Variants in GRID2 observed in about 807,000 individuals in gnomAD.
GRID2 encodes glutamate receptor ionotropic, delta-2.
Under a neutral mutation model 114.8 loss-of-function variants are expected in GRID2, and 33 were observed. That is an observed-to-expected ratio of 0.29 (90% confidence interval 0.22 to 0.38). The LOEUF (loss-of-function observed/expected upper bound fraction) is 0.38, where lower values mean the gene tolerates loss of function less well. GRID2 is among the 10% of genes least tolerant of loss of function. GRID2 has a pLI of 1.00. For synonymous variants in GRID2, 505 were observed against 449.9 expected, an observed-to-expected ratio of 1.12 and a Z score of -1.55; for missense variants, 1,184 against 1,257.7, an observed-to-expected ratio of 0.94 and a Z score of 0.89.
At chr4:93,180,033 C>T (rs866151942) in intron 4 of GRID2, among the ~76,000 whole-genome samples, 12 of 151,976 alleles carry the variant, frequency 7.9e-5, no homozygotes, top group African/African-American at 1.9e-4. Context: ...TCTTTTTAAA[C>T]GAAGAAAAAA....
At chr4:93,116,079 C>A (rs1428019037) in intron 4 of GRID2, among the ~76,000 whole-genome samples, 5 of 152,106 alleles carry the variant, frequency 3.3e-5, no homozygotes, top group East Asian at 1.9e-4. Context: ...TGTCCTTCAC[C>A]TACACCTGCA....
Position 92,543,799 on chromosome 4 carries a change from T to C in GRID2, c.89-46332T>C, listed in dbSNP as rs1726100991. On this transcript the variant is annotated intron_variant, in intron 1 of 15. Coordinates refer to ENST00000282020, the MANE Select transcript of GRID2 (RefSeq NM_001510.4). The stretch of plus-strand genomic sequence containing the variant: ...ATGACAGTGTCAAAATTCAAGGCAA[T>C]AACAAAATCAATTCATTGTGGGAAT... Among the ~76,000 whole-genome samples, 12 of 152,268 alleles carry C rather than the reference T, an allele frequency of 7.9e-5. No individual in the cohort carries two copies. In the South Asian group the frequency reaches 2.3e-3, roughly 29 times the overall value.
intron 10 of GRID2, among the ~76,000 whole-genome samples, chr4:93,426,835 A>G (rs547523730): frequency 2.0e-5 from 3 of 152,222 alleles, no homozygotes; most frequent in African/African-American, 4.8e-5. Flanking sequence ...TGATTTTTAG[A>G]CAGAAAAAAT....
intron 14 of GRID2, among the ~76,000 whole-genome samples, chr4:93,748,668 G>T (rs72875943): frequency 6.7e-6 from 1 of 149,486 alleles, no homozygotes; most frequent in Non-Finnish European, 1.5e-5. Flanking sequence ...ATGCCCTATG[G>T]ATCTTTTTTC....
At chr4:93,517,951 G>GTACGTGTATGTATATACTA (rs1560706052) in intron 13 of GRID2, among the ~76,000 whole-genome samples, 3 of 32,720 alleles carry the variant, frequency 9.2e-5, no homozygotes, top group African/African-American at 3.7e-4. Flanking sequence ...ATACATACAT[G>GTACGTGTATGTATATACTA]TATATGTATG....
chr4:93,768,732 G>C (rs1221102348), intron 14 of GRID2, among the ~76,000 whole-genome samples: 1 of 152,126 alleles, frequency 6.6e-6, no homozygotes, highest in South Asian at 2.1e-4. Flanking sequence ...CATATGCTGG[G>C]TGACATTACG....
chr4:92,646,048 A>G (rs1731601310), intron 2 of GRID2, among the ~76,000 whole-genome samples: 1 of 151,744 alleles, frequency 6.6e-6, no homozygotes, highest in East Asian at 1.9e-4. Flanking sequence ...GCACTGTTTT[A>G]GACTCCTACC....
intron 2 of GRID2, among the ~76,000 whole-genome samples, chr4:92,745,656 T>G (rs1202996702): frequency 2.0e-5 from 3 of 152,172 alleles, no homozygotes; most frequent in Non-Finnish European, 4.4e-5. Context: ...TAGTGGTACT[T>G]GCTATTGAGT....
At chr4:92,748,359 C>A (rs541134998) in intron 2 of GRID2, among the ~76,000 whole-genome samples, 2 of 152,114 alleles carry the variant, frequency 1.3e-5, no homozygotes, top group African/African-American at 4.8e-5. Flanking sequence ...GGAGGACCAG[C>A]GACACCACCA....
intron 2 of GRID2, among the ~76,000 whole-genome samples, chr4:93,051,879 GT>G (rs915600805): frequency 6.6e-5 from 10 of 150,724 alleles, no homozygotes; most frequent in Middle Eastern, 3.4e-3. Context: ...TGTTTGTCCA[GT>G]TTTTTTTTCT....
rs183350583 is a variant in GRID2 at position 93,456,562 on chromosome 4, C to T, written c.1858+588C>T. On this transcript the variant is annotated intron_variant, in intron 11 of 15. Coordinates refer to ENST00000282020, the MANE Select transcript of GRID2 (RefSeq NM_001510.4). ...GCTCTGTTATTTAATATCCAATCTGCCCAACTCTTTAAACTTGTCCAATTA... is the reference window on the plus strand; with the variant it reads ...GCTCTGTTATTTAATATCCAATCTGTCCAACTCTTTAAACTTGTCCAATTA... 2.3e-3 allele frequency among the ~76,000 whole-genome samples: 345 copies of T among 152,244 alleles called. 2 individuals carry two copies. Among genetic ancestry groups the T allele is most frequent in the African/African-American group, 7.8e-3 (323 of 41,564 alleles).
chr4:93,727,624 T>C (rs1730056689), intron 14 of GRID2, among the ~76,000 whole-genome samples: 1 of 152,208 alleles, frequency 6.6e-6, no homozygotes, highest in Non-Finnish European at 1.5e-5. Flanking sequence ...CCTGGACTTT[T>C]TTTGGTTGGA....
intron 4 of GRID2, among the ~76,000 whole-genome samples, chr4:93,122,047 T>C (rs189399409): frequency 8.5e-5 from 13 of 152,308 alleles, no homozygotes; most frequent in African/African-American, 3.1e-4. Flanking sequence ...AAATCTTCTC[T>C]TCTGTCTGTC....
intron 13 of GRID2, among the ~76,000 whole-genome samples, chr4:93,561,902 A>G (rs184285068): frequency 8.3e-4 from 127 of 152,250 alleles, no homozygotes; most frequent in Non-Finnish European, 1.4e-3. Flanking sequence ...ATCTGGATGT[A>G]CAACAGTTTA....
intron 1 of GRID2, among the ~76,000 whole-genome samples, chr4:92,322,546 C>A (rs1223529506): frequency 6.6e-6 from 1 of 151,952 alleles, no homozygotes; most frequent in Admixed American, 6.6e-5. Flanking sequence ...CATATGTATA[C>A]CTACTATATA....
intron 2 of GRID2, among the ~76,000 whole-genome samples, chr4:93,004,307 T>C (rs1468896377): frequency 6.6e-6 from 1 of 151,888 alleles, no homozygotes; most frequent in Non-Finnish European, 1.5e-5. Flanking sequence ...AACGTGCCTA[T>C]AGTTTCTTAG....
intron 4 of GRID2, among the ~76,000 whole-genome samples, chr4:93,157,362 C>T (rs1202384401): frequency 6.6e-6 from 1 of 151,438 alleles, no homozygotes; most frequent in Non-Finnish European, 1.5e-5. Flanking sequence ...TTTAGAATGT[C>T]CTATTTAATG....
intron 12 of GRID2, among the ~76,000 whole-genome samples, chr4:93,502,949 G>C (rs1728269778): frequency 6.6e-6 from 1 of 152,056 alleles, no homozygotes; most frequent in African/African-American, 2.4e-5. Context: ...AAGATTTGCT[G>C]TTGTCTTGGG....
chr4:93,683,222 A>C (rs1725757305), intron 14 of GRID2, among the ~76,000 whole-genome samples: 1 of 151,992 alleles, frequency 6.6e-6, no homozygotes, highest in South Asian at 2.1e-4. Context: ...CCTGCTTCTA[A>C]ACTATAACCC....
Sources: allele counts gnomAD v4.1 joint callset (sites outside exome capture counted in the v4.1 genomes callset), GRCh38; gene constraint gnomAD v4.1.1; transcripts MANE v1.5; gene names NCBI Gene and HGNC (gene_info 2026-07-23, HGNC 2026-07-21).